EPHB2: variants seen among roughly 807,000 people sequenced by gnomAD.
The protein encoded by EPHB2 is EPH receptor B2, also known as ephrin type-B receptor 2.
Under a neutral mutation model 96.4 loss-of-function variants are expected in EPHB2, and 18 were observed. The ratio of observed to expected loss-of-function variants is 0.19; its 90% CI spans 0.13 to 0.28. The LOEUF is 0.28. Ranked by LOEUF, EPHB2 falls within the 10% of genes least tolerant of loss-of-function variation. EPHB2 has a pLI of 1.00. For synonymous variants in EPHB2, 506 were observed against 534.1 expected (o/e 0.95, Z 0.72); for missense variants, 989 against 1,355.4 (o/e 0.73, Z 4.25).
rs759784190 is a variant in EPHB2, at chr1:22,864,959, C to A, written c.1050C>A (p.Ser350=). 6.2e-7 allele frequency: 1 copy of A among 1,604,698 alleles called. No individual in the cohort carries two copies. The highest frequency in any genetic ancestry group is 8.5e-7 in the Non-Finnish European group (1 of 1,174,236). Reference sequence around the variant, plus strand: ...TGGAGTGGACCCCTCCCCGCGACTCCGGAGGCCGAGAGGACCTCGTCTACA... The same window carrying A: ...TGGAGTGGACCCCTCCCCGCGACTCAGGAGGCCGAGAGGACCTCGTCTACA... ...LMLEWTPPRD[S]GGREDLVYNI... is the part of the protein sequence containing the mutation. The change falls in exon 5 of 16, where the codon TCC becomes TCA. Residue 350 remains serine, a synonymous_variant. Transcript: ENST00000374630.
chr1:22,812,485 C>T (rs1380643298), intron 3 of EPHB2, among the ~76,000 whole-genome samples: 1 of 152,034 alleles, frequency 6.6e-6, no homozygotes, highest in African/African-American at 2.4e-5. Flanking sequence ...AGGTGCCAGA[C>T]CCACCCGGTT....
intron 3 of EPHB2, among the ~76,000 whole-genome samples, chr1:22,808,967 G>A (rs1277040689): frequency 1.3e-5 from 2 of 152,228 alleles, no homozygotes. Context: ...ATCCTGCCTT[G>A]CTATAAGGCC....
At chr1:22,712,228 C>T (rs1054708252) in intron 1 of EPHB2, among the ~76,000 whole-genome samples, 25 of 152,098 alleles carry the variant, frequency 1.6e-4, no homozygotes, top group African/African-American at 5.6e-4. Flanking sequence ...ATAGGGAAAC[C>T]GAGGTTCTGA....
Position 22,895,473 on chromosome 1 carries a change from C to G in EPHB2, c.1593C>G (p.Ala531=), listed in dbSNP as rs1639526963. ...GKMYFQTMTE[A]EYQTSIQEKL... is the part of the protein sequence containing the mutation. ...TGCCCTACCATGCTTTCTCCCCAGC[C>G]GAGTACCAGACAAGCATCCAGGAGA... Residue 531 remains alanine (A), a splice_region_variant and synonymous_variant, in exon 8 of 16, where the codon GCC becomes GCG. Transcript: ENST00000374630. 8 of 1,614,220 alleles carry G rather than the reference C, an allele frequency of 5.0e-6. No individual in the cohort carries two copies. The highest frequency in any genetic ancestry group is 4.5e-5 in the East Asian group (2 of 44,888).
chr1:22,798,494 C>T (rs923491259), intron 3 of EPHB2, among the ~76,000 whole-genome samples: 1 of 151,700 alleles, frequency 6.6e-6, no homozygotes, highest in African/African-American at 2.4e-5. Flanking sequence ...ACTATAGTTT[C>T]AGCTCCTGCT....
At chr1:22,890,207 A>G (rs970426237) in intron 6 of EPHB2, among the ~76,000 whole-genome samples, 6 of 152,172 alleles carry the variant, frequency 3.9e-5, no homozygotes, top group Admixed American at 2.6e-4. Flanking sequence ...AGGGGGCGAG[A>G]GGAGCCTCAG....
intron 3 of EPHB2, among the ~76,000 whole-genome samples, chr1:22,842,940 ACT>A (rs1363918023): frequency 6.6e-6 from 1 of 151,402 alleles, no homozygotes; most frequent in African/African-American, 2.4e-5. Flanking sequence ...GCCCCCCAGC[ACT>A]CTCTAGCACA....
intron 3 of EPHB2, chr1:22,836,635 G>A (rs1008252208): frequency 6.6e-6 from 1 of 152,382 alleles, no homozygotes; most frequent in Non-Finnish European, 1.5e-5. Context: ...CCAGATGGCT[G>A]AAATCCCTAG....
chr1:22,734,845 G>T (rs1643792617), intron 1 of EPHB2, among the ~76,000 whole-genome samples: 1 of 152,190 alleles, frequency 6.6e-6, no homozygotes, highest in South Asian at 2.1e-4. Context: ...ATACTTTTAT[G>T]AAAAAATTCA....
At chr1:22,728,361 T>G (rs1426450109) in intron 1 of EPHB2, among the ~76,000 whole-genome samples, 1 of 152,242 alleles carries the variant, frequency 6.6e-6, no homozygotes, top group South Asian at 2.1e-4. Context: ...GGAATTGGTA[T>G]GATTATCTCC....
intron 3 of EPHB2, among the ~76,000 whole-genome samples, chr1:22,819,060 G>A (rs372037094): frequency 8.6e-5 from 13 of 150,908 alleles, no homozygotes; most frequent in African/African-American, 2.4e-4. Flanking sequence ...CACCTCCCCC[G>A]GAGCCATGCT....
intron 1 of EPHB2, among the ~76,000 whole-genome samples, chr1:22,740,748 C>T (rs72653640): frequency 0.18 from 26,613 of 152,068 alleles, 2,414 homozygotes; most frequent in Non-Finnish European, 0.19. Context: ...CCGTCTCATC[C>T]CTCCCAGAGC....
intron 3 of EPHB2, chr1:22,835,882 T>C (rs1426081894): frequency 6.8e-6 from 1 of 146,714 alleles, no homozygotes; most frequent in African/African-American, 2.4e-5. Context: ...TCCTGAGATG[T>C]TGGGCAAATG....
intron 3 of EPHB2, among the ~76,000 whole-genome samples, chr1:22,810,681 A>G (rs1173476754): frequency 2.6e-5 from 4 of 152,112 alleles, no homozygotes; most frequent in African/African-American, 9.7e-5. Context: ...CAGGGACACA[A>G]CCGACCCCAG....
At chr1:22,859,718 G>A (rs968269266) in intron 3 of EPHB2, among the ~76,000 whole-genome samples, 1 of 152,142 alleles carries the variant, frequency 6.6e-6, no homozygotes. Flanking sequence ...GCTTGAACCC[G>A]GGAGATGGAG....
At chr1:22,839,180 C>A (rs890107707) in intron 3 of EPHB2, among the ~76,000 whole-genome samples, 2 of 152,140 alleles carry the variant, frequency 1.3e-5, no homozygotes, top group African/African-American at 2.4e-5. Context: ...CTCTTCCTGC[C>A]AACCCACATG....
rs945491549 is a variant in EPHB2, at chr1:22,846,709, G to A, written c.812-16328G>A. On this transcript the variant is annotated intron_variant, in intron 3 of 15. Transcript: ENST00000374630. The surrounding 1 kb of genome is among the most constrained non-coding windows in gnomAD (Gnocchi z 4.3). ...TTCCCATCTCCACCCCTCCGCCCAC[G>A]CTGCTCCCTCAGCCTCGCATGCTTC... 6.6e-6 allele frequency among the ~76,000 whole-genome samples: 1 copy of A among 152,114 alleles called. No homozygotes were observed.
chr1:22,911,413 A>G (rs1640100400), intron 14 of EPHB2, among the ~76,000 whole-genome samples: 1 of 152,118 alleles, frequency 6.6e-6, no homozygotes, highest in Admixed American at 6.5e-5. Context: ...ACACATCCAT[A>G]GGCACCTGCA....
At chr1:22,771,891 C>A (rs1644383699) in intron 1 of EPHB2, among the ~76,000 whole-genome samples, 1 of 152,126 alleles carries the variant, frequency 6.6e-6, no homozygotes, top group African/African-American at 2.4e-5. Context: ...GGCCTGGGTT[C>A]AGTTTCTGAT....
Sources: gnomAD v4.1 joint callset for allele counts (sites outside exome capture counted in the v4.1 genomes callset) on GRCh38, gnomAD v4.1.1 for gene constraint, Gnocchi (gnomAD v3.1) non-coding constraint, MANE v1.5 for transcripts, NCBI Gene and HGNC (gene_info 2026-07-23, HGNC 2026-07-21) for gene names.